The following SUPT3H variants were observed in gnomAD, a reference collection of about 807,000 sequenced individuals.
SUPT3H encodes the protein SPT3 homolog, SAGA and STAGA complex component, also known as transcription initiation protein SPT3 homolog.
SUPT3H carries 44 observed loss-of-function variants against 44.3 expected under a neutral mutation model. That is an observed-to-expected ratio of 0.99 (90% CI 0.78 to 1.28). The LOEUF is 1.28. Among genes scored for constraint, SUPT3H ranks in the 50% most tolerant of loss-of-function variants. The pLI is 0.00. For synonymous variants in SUPT3H, 124 were observed against 125.6 expected (o/e 0.99, Z 0.09); for missense variants, 380 against 387.1 (o/e 0.98, Z 0.15).
intron 10 of SUPT3H, among the ~76,000 whole-genome samples, chr6:44,848,322 G>T (rs1483436640): frequency 6.6e-6 from 1 of 152,020 alleles, no homozygotes; most frequent in African/African-American, 2.4e-5. Context: ...CTCTAGCACG[G>T]TGACTTTTCT....
intron 2 of SUPT3H, among the ~76,000 whole-genome samples, chr6:45,198,668 T>G (rs568472617): frequency 6.6e-6 from 1 of 151,204 alleles, no homozygotes; most frequent in African/African-American, 2.4e-5. Context: ...TTTAAGAAAA[T>G]TAGTTTGATC....
At chr6:45,212,481 A>ATGTGTGTGTGTGTG (rs11269206) in intron 2 of SUPT3H, among the ~76,000 whole-genome samples, 24 of 43,444 alleles carry the variant, frequency 5.5e-4, no homozygotes, top group East Asian at 2.2e-3. Context: ...CACCTCCACT[A>ATGTGTGTGTGTGTG]TGTGTGTGTG....
At chr6:45,337,245 A>C (rs753566056) in intron 2 of SUPT3H, among the ~76,000 whole-genome samples, 1 of 151,748 alleles carries the variant, frequency 6.6e-6, no homozygotes, top group Non-Finnish European at 1.5e-5. Context: ...CTATTTTGCA[A>C]TTATAATGTG....
intron 4 of SUPT3H, among the ~76,000 whole-genome samples, chr6:45,018,959 T>C (rs1027291345): frequency 2.6e-5 from 4 of 152,168 alleles, no homozygotes; most frequent in African/African-American, 9.7e-5. Context: ...AGAATTCGGC[T>C]GTGAATCCAT....
rs546219837 is a variant in SUPT3H, at chr6:45,030,868, T to C, written c.187-10236A>G. On this transcript the variant is annotated intron_variant, in intron 3 of 10. Coordinates refer to ENST00000371459, the MANE Select transcript of SUPT3H (RefSeq NM_003599.4). ...GCTTCTGATGCTGGATCTAAGAACC[T>C]GATCCATGCAGAGGGCAAGGATCTG... is the stretch of plus-strand genomic sequence containing the variant. Among the ~76,000 whole-genome samples the C allele has an allele frequency of 2.6e-4, 40 of 152,314 alleles. No homozygotes were observed. The South Asian group carries it at 6.2e-3, about 24-fold the overall frequency.
intron 3 of SUPT3H, chr6:45,097,833 G>C (rs1448207310): frequency 6.6e-6 from 1 of 152,202 alleles, no homozygotes; most frequent in Non-Finnish European, 1.5e-5. Context: ...TCCCTTCTTA[G>C]ACCTATCATT....
intron 2 of SUPT3H, among the ~76,000 whole-genome samples, chr6:45,120,734 C>T (rs1265872333): frequency 6.6e-6 from 1 of 152,038 alleles, no homozygotes; most frequent in Non-Finnish European, 1.5e-5. Context: ...TAGCTGTTTG[C>T]CACATGAAAT....
intron 10 of SUPT3H, among the ~76,000 whole-genome samples, chr6:44,907,776 A>G (rs962882617): frequency 4.6e-5 from 7 of 152,222 alleles, no homozygotes; most frequent in East Asian, 1.9e-4. Context: ...TGTACACAAC[A>G]TGGCTGTCTC....
chr6:45,200,381 T>A (rs1762290237), intron 2 of SUPT3H, among the ~76,000 whole-genome samples: 1 of 151,518 alleles, frequency 6.6e-6, no homozygotes, highest in Non-Finnish European at 1.5e-5. Context: ...TGAAAGCAAG[T>A]ATGACTTATT....
At chr6:45,096,182 T>C (rs567373824) in intron 3 of SUPT3H, among the ~76,000 whole-genome samples, 1 of 152,244 alleles carries the variant, frequency 6.6e-6, no homozygotes, top group East Asian at 1.9e-4. Flanking sequence ...AATTTCTAAT[T>C]TGTATTGCAT....
rs570259224 is a variant in SUPT3H, at chr6:44,993,112, G to A, written c.504+10541C>T. ...TGGGAGGTTGAGGCTGCAGTGAGCTGTGATTGGGCCATGGCATTTCAGCCT... is the reference window on the plus strand; with the variant it reads ...TGGGAGGTTGAGGCTGCAGTGAGCTATGATTGGGCCATGGCATTTCAGCCT... On this transcript the variant is annotated intron_variant, in intron 6 of 10. Coordinates refer to ENST00000371459, the MANE Select transcript of SUPT3H (RefSeq NM_003599.4). Among the ~76,000 whole-genome samples the A allele has an allele frequency of 3.2e-4, 49 of 152,214 alleles. 1 individual carries two copies. The highest frequency in any genetic ancestry group is 6.8e-3 in the Middle Eastern group (2 of 294).
chr6:44,930,949 A>G (rs905628710), intron 10 of SUPT3H, among the ~76,000 whole-genome samples: 1 of 152,212 alleles, frequency 6.6e-6, no homozygotes, highest in African/African-American at 2.4e-5. Context: ...CTTAGATTGT[A>G]AAAGTAGTAA....
intron 2 of SUPT3H, among the ~76,000 whole-genome samples, chr6:45,176,554 G>A (rs1217104902): frequency 2.6e-5 from 4 of 152,066 alleles, no homozygotes; most frequent in African/African-American, 7.2e-5. Context: ...CAGGAAGCTC[G>A]AACTGGGTGG....
At chr6:45,287,137 A>C (rs541191352) in intron 2 of SUPT3H, among the ~76,000 whole-genome samples, 78 of 152,250 alleles carry the variant, frequency 5.1e-4, no homozygotes, top group Middle Eastern at 3.4e-3. Context: ...GATATACCTA[A>C]TGTTAAATGA....
intron 3 of SUPT3H, among the ~76,000 whole-genome samples, chr6:45,061,408 G>A (rs985344515): frequency 6.6e-6 from 1 of 152,118 alleles, no homozygotes; most frequent in Non-Finnish European, 1.5e-5. Context: ...AGAACACGTA[G>A]AAACACTGTG....
intron 10 of SUPT3H, among the ~76,000 whole-genome samples, chr6:44,918,967 G>A (rs564269082): frequency 8.5e-5 from 13 of 152,320 alleles, no homozygotes; most frequent in African/African-American, 2.6e-4. Flanking sequence ...CTTACAGACT[G>A]GAAGTGCTTA....
intron 7 of SUPT3H, chr6:44,955,401 G>C (rs4512220): frequency 0.11 from 17,499 of 152,452 alleles, 1,417 homozygotes; most frequent in East Asian, 0.27. Context: ...GAGTGAGACC[G>C]GCCTTTCGGG....
At chr6:45,356,879 A>G (rs1370511067) in intron 2 of SUPT3H, among the ~76,000 whole-genome samples, 1 of 152,226 alleles carries the variant, frequency 6.6e-6, no homozygotes, top group Non-Finnish European at 1.5e-5. Flanking sequence ...TTCTAAAATT[A>G]CACTCACCTT....
chr6:45,080,897 C>A (rs2153558265), intron 3 of SUPT3H, among the ~76,000 whole-genome samples: 2 of 152,014 alleles, frequency 1.3e-5, no homozygotes, highest in Middle Eastern at 6.8e-3. Context: ...AATAATTTAA[C>A]TATAGCTGTA....
Sources: allele counts gnomAD v4.1 joint callset (sites outside exome capture counted in the v4.1 genomes callset), GRCh38; gene constraint gnomAD v4.1.1; transcripts MANE v1.5; gene names NCBI Gene and HGNC (gene_info 2026-07-23, HGNC 2026-07-21).